Variants in PTPRN2 observed in about 807,000 individuals in gnomAD.
PTPRN2 encodes protein tyrosine phosphatase receptor type N2.
In PTPRN2, 74 loss-of-function variants were observed where a neutral mutation model predicts 118.8. The ratio of observed to expected loss-of-function variants is 0.62; its 90% CI spans 0.52 to 0.76. The LOEUF is 0.76. Among genes scored for constraint, PTPRN2 ranks in the 30% least tolerant of loss-of-function variants. PTPRN2 has a pLI of 0.00. For synonymous variants in PTPRN2, 641 were observed against 608.0 expected (o/e 1.05, Z -0.80); for missense variants, 1,481 against 1,394.4 (o/e 1.06, Z -0.99).
intron 2 of PTPRN2, among the ~76,000 whole-genome samples, chr7:158,336,480 G>A (rs373445760): frequency 8.6e-4 from 96 of 111,008 alleles, no homozygotes; most frequent in East Asian, 2.4e-3. Flanking sequence ...CTCACCATAA[G>A]AGCTGACGCC....
intron 11 of PTPRN2, among the ~76,000 whole-genome samples, chr7:157,982,368 CAG>C: frequency 1.9e-5 from 2 of 106,662 alleles, no homozygotes; most frequent in Non-Finnish European, 1.8e-5. Context: ...CCCTGAGTCA[CAG>C]AGACGAGGAG....
intron 1 of PTPRN2, among the ~76,000 whole-genome samples, chr7:158,547,349 C>T (rs1040739683): frequency 1.3e-5 from 2 of 149,822 alleles, no homozygotes; most frequent in African/African-American, 2.5e-5. Context: ...ACCCCCAATC[C>T]TATGCTGACT....
At chr7:157,675,692 G>A (rs1307966267) in intron 13 of PTPRN2, among the ~76,000 whole-genome samples, 9 of 152,024 alleles carry the variant, frequency 5.9e-5, no homozygotes, top group African/African-American at 9.7e-5. Context: ...CCAGCCCCGC[G>A]GGCACTGACA....
intron 12 of PTPRN2, among the ~76,000 whole-genome samples, chr7:157,826,882 C>T (rs1242734179): frequency 6.6e-6 from 1 of 152,136 alleles, no homozygotes; most frequent in Non-Finnish European, 1.5e-5. Flanking sequence ...GCGCACGGGG[C>T]AGCGAATTCA....
At chr7:157,921,939 G>C (rs544728820) in intron 11 of PTPRN2, among the ~76,000 whole-genome samples, 1 of 152,312 alleles carries the variant, frequency 6.6e-6, no homozygotes, top group East Asian at 1.9e-4. Context: ...GCAATGGAGA[G>C]ACGGGGCGTG....
At chr7:157,693,167 G>A (rs2150840181) in intron 12 of PTPRN2, among the ~76,000 whole-genome samples, 1 of 152,162 alleles carries the variant, frequency 6.6e-6, no homozygotes, top group Non-Finnish European at 1.5e-5. Flanking sequence ...GGGAGGGGAG[G>A]GGGCTCGGAG....
intron 11 of PTPRN2, among the ~76,000 whole-genome samples, chr7:157,899,985 T>C (rs138431981): frequency 0.01 from 1,557 of 152,194 alleles, 14 homozygotes; most frequent in Middle Eastern, 0.021. Context: ...ATCTGACAGA[T>C]TGGCAAGCTT....
At chr7:157,689,339 G>A (rs1797355602) in intron 12 of PTPRN2, among the ~76,000 whole-genome samples, 1 of 152,142 alleles carries the variant, frequency 6.6e-6, no homozygotes, top group Non-Finnish European at 1.5e-5. Flanking sequence ...CCACGGTGCC[G>A]GCCGGGACGC....
chr7:157,753,602 T>A (rs1801610754), intron 12 of PTPRN2, among the ~76,000 whole-genome samples: 1 of 152,062 alleles, frequency 6.6e-6, no homozygotes, highest in Non-Finnish European at 1.5e-5. Context: ...ATGTTTCTAG[T>A]CGAAGCTCCG....
At chr7:158,171,575 T>A (rs181346993) in intron 5 of PTPRN2, among the ~76,000 whole-genome samples, 5 of 152,004 alleles carry the variant, frequency 3.3e-5, no homozygotes, top group Non-Finnish European at 7.4e-5. Context: ...GGTCTCAAAC[T>A]CCTGACCTCA....
In PTPRN2 at chr7:157,941,203, T is replaced by A. The variant is rs111777422; in HGVS notation, c.1724-42466A>T. On this transcript the variant is annotated intron_variant, in intron 11 of 22. Coordinates refer to ENST00000389418, the MANE Select transcript of PTPRN2 (RefSeq NM_002847.5). ...CACCACGACACTGCAAATCTAACAC[T>A]CTCCCCCATGACACTGCAAATCTAA... Among the ~76,000 whole-genome samples the A allele has an allele frequency of 2.1e-4, 6 of 28,900 alleles. 1 individual carries two copies. Among genetic ancestry groups the A allele is most frequent in the Admixed American group, 2.0e-3 (4 of 1,996 alleles). The allele number at this position is 28,900 out of a possible 152,430, so 19.0% of individuals were successfully genotyped here.
intron 2 of PTPRN2, among the ~76,000 whole-genome samples, chr7:158,458,224 T>C (rs1818678832): frequency 6.6e-6 from 1 of 152,162 alleles, no homozygotes; most frequent in Admixed American, 6.5e-5. Flanking sequence ...GCAAACGTTA[T>C]TTCCCCGACA....
In PTPRN2 at chr7:158,135,069, G is replaced by A. The variant is rs76336600; in HGVS notation, c.1174-1010C>T. Among the ~76,000 whole-genome samples, 1,103 of 152,232 alleles carry A rather than the reference G, an allele frequency of 7.2e-3. 21 individuals carry two copies. Among genetic ancestry groups the A allele is most frequent in the African/African-American group, 0.025 (1,037 of 41,532 alleles). Reference sequence around the variant, plus strand: ...CACTGGCACATACCAGGCAACCCACGGACACCTCCTGGTGCATGTGATGCC... The same window carrying A: ...CACTGGCACATACCAGGCAACCCACAGACACCTCCTGGTGCATGTGATGCC... On this transcript the variant is annotated intron_variant, in intron 8 of 22. Transcript: ENST00000389418.
At chr7:157,574,175 C>A (rs919513061) in intron 19 of PTPRN2, among the ~76,000 whole-genome samples, 4 of 152,178 alleles carry the variant, frequency 2.6e-5, no homozygotes, top group African/African-American at 9.7e-5. Flanking sequence ...ATCATAGAAA[C>A]TTCCACAACA....
chr7:157,862,307 C>A (rs1563183309), intron 12 of PTPRN2, among the ~76,000 whole-genome samples: 2 of 152,232 alleles, frequency 1.3e-5, no homozygotes, highest in African/African-American at 4.8e-5. Flanking sequence ...GACAGTTCAG[C>A]CTATAGCATT....
chr7:158,097,839 C>T (rs1468802460), intron 10 of PTPRN2, among the ~76,000 whole-genome samples: 2 of 152,250 alleles, frequency 1.3e-5, no homozygotes, highest in Non-Finnish European at 2.9e-5. Flanking sequence ...AAAACATATT[C>T]AGCATAACTA....
chr7:158,338,282 C>T (rs1286431994), intron 2 of PTPRN2, among the ~76,000 whole-genome samples: 2 of 73,320 alleles, frequency 2.7e-5, no homozygotes, highest in Non-Finnish European at 5.4e-5. Flanking sequence ...TAAGCGCTGA[C>T]ACCTGCTGAC....
chr7:157,611,465 C>T lies in PTPRN2; in HGVS notation c.2345-7390G>A, dbSNP rs1234371956. Reference sequence around the variant, plus strand: ...TGTGGGGGTTGCCGTGGCCAGGCAGCGCCCGCCCAGTCACTGAGCTGACTT... The same window carrying T: ...TGTGGGGGTTGCCGTGGCCAGGCAGTGCCCGCCCAGTCACTGAGCTGACTT... On this transcript the variant is annotated intron_variant, in intron 15 of 22. Transcript: ENST00000389418. The surrounding 1 kb of genome is among the most constrained non-coding windows in gnomAD (Gnocchi z 5.9). Among the ~76,000 whole-genome samples the T allele has an allele frequency of 2.0e-5, 3 of 152,150 alleles. No individual in the cohort carries two copies. The highest frequency in any genetic ancestry group is 1.9e-4 in the East Asian group (1 of 5,186).
At chr7:157,812,409 T>A (rs1036030119) in intron 12 of PTPRN2, among the ~76,000 whole-genome samples, 13 of 143,290 alleles carry the variant, frequency 9.1e-5, no homozygotes, top group African/African-American at 2.7e-4. Flanking sequence ...GGGAGGAGGG[T>A]GGGAAGAACA....
Sources: gnomAD v4.1 joint callset for allele counts (sites outside exome capture counted in the v4.1 genomes callset) on GRCh38, gnomAD v4.1.1 for gene constraint, Gnocchi (gnomAD v3.1) non-coding constraint, MANE v1.5 for transcripts, NCBI Gene and HGNC (gene_info 2026-07-23, HGNC 2026-07-21) for gene names.